The following DAPK2 variants were observed in gnomAD, a reference collection of about 807,000 sequenced individuals.
DAPK2 encodes the protein death-associated protein kinase 2.
DAPK2 carries 35 observed loss-of-function variants against 44.1 expected under a neutral mutation model. That is an observed-to-expected ratio of 0.79 (90% CI 0.61 to 1.05). DAPK2 has a LOEUF of 1.05. DAPK2 is among the 50% of genes least tolerant of loss of function. The pLI is 0.00. For missense variants in DAPK2, 453 were observed against 483.2 expected (o/e 0.94, Z 0.59); for synonymous variants, 174 against 182.6 (o/e 0.95, Z 0.38).
At chr15:63,935,559 T>G (rs2077120172) in intron 4 of DAPK2, 1 of 152,264 alleles carries the variant, frequency 6.6e-6, no homozygotes, top group Admixed American at 6.5e-5. Context: ...CTTCCCTGAC[T>G]GCTTTGTCTT....
rs1025572491 is a variant in DAPK2, at chr15:63,929,870, C to G, written c.633-293G>C. On this transcript the variant is annotated intron_variant, in intron 5 of 10. Coordinates refer to ENST00000261891, the Ensembl canonical transcript of DAPK2. ...CCCTTACCACCTCGGAGCCCTTCCC[C>G]CCTTGTAAAATGAGGATAATGATAA... The G allele has an allele frequency of 1.2e-5, 7 of 574,094 alleles. No homozygotes were observed. The African/African-American group carries it at 1.3e-4, about 11-fold the overall frequency. 35.6% of individuals were successfully genotyped at this position (574,094 alleles called of 1,614,324 possible). A position where few individuals can be genotyped will look rare whatever the true frequency, so the allele number is the denominator to read the frequency against.
intron 7 of DAPK2, 104 bp from the exon 9 acceptor site, chr15:63,924,965 C>T: frequency 8.0e-7 from 1 of 1,246,496 alleles, no homozygotes; most frequent in Non-Finnish European, 1.1e-6. Context: ...CATTATTTGG[C>T]CACTGCCGTC....
rs577826791 is a variant in DAPK2 at position 63,912,950 on chromosome 15, T to C, written c.859-753A>G. Among the ~76,000 whole-genome samples the C allele has an allele frequency of 6.6e-6, 1 of 152,196 alleles. No individual in the cohort carries two copies. The highest frequency in any genetic ancestry group is 1.5e-5 in the Non-Finnish European group (1 of 68,040). On this transcript the variant is annotated intron_variant, in intron 8 of 10. Transcript: ENST00000261891. The surrounding 1 kb of genome is among the most constrained non-coding windows in gnomAD (Gnocchi z 4.4). ...AATAAGGTTTTGTGAAATCAAGAGA[T>C]AGGTTTCAGGGGTTCTGTGAACAAA...
intron 8 of DAPK2, chr15:63,921,006 C>T (rs1221270959): frequency 6.6e-6 from 1 of 152,306 alleles, no homozygotes; most frequent in Non-Finnish European, 1.5e-5. Flanking sequence ...ACGGCAGGCC[C>T]CTGCAGTGCT....
At chr15:64,014,211 C>T (rs940894328) in intron 1 of DAPK2, among the ~76,000 whole-genome samples, 9 of 152,210 alleles carry the variant, frequency 5.9e-5, no homozygotes, top group Non-Finnish European at 1.3e-4. Flanking sequence ...GCGGAGGCAG[C>T]ACTGCTGGGA....
chr15:63,961,915 C>T (rs1240718171), intron 3 of DAPK2, among the ~76,000 whole-genome samples: 1 of 152,218 alleles, frequency 6.6e-6, no homozygotes, highest in Non-Finnish European at 1.5e-5. Flanking sequence ...GGAAGTTCTA[C>T]TGGATAATAT....
At chr15:63,970,034 ACT>A (rs1441949997) in intron 3 of DAPK2, among the ~76,000 whole-genome samples, 11 of 151,828 alleles carry the variant, frequency 7.2e-5, no homozygotes, top group African/African-American at 2.7e-4. Context: ...AAAGATCTTG[ACT>A]CTGTCCTCTC....
intron 3 of DAPK2, among the ~76,000 whole-genome samples, chr15:63,962,028 G>A (rs1046935557): frequency 2.8e-4 from 42 of 152,132 alleles, no homozygotes; most frequent in Admixed American, 6.5e-5. Context: ...TTTCTTGGAG[G>A]CTTTTTTTGT....
At chr15:63,944,151 G>C (rs1341044871) in intron 3 of DAPK2, among the ~76,000 whole-genome samples, 2 of 152,130 alleles carry the variant, frequency 1.3e-5, no homozygotes, top group African/African-American at 4.8e-5. Flanking sequence ...AGCTGGGTCT[G>C]GATAAAAGGA....
In DAPK2 at chr15:63,990,106, C is replaced by A. The variant is rs1235061064; in HGVS notation, c.93-6352G>T. Among the ~76,000 whole-genome samples the A allele has an allele frequency of 6.6e-6, 1 of 152,176 alleles. No individual in the cohort carries two copies. The highest frequency in any genetic ancestry group is 1.9e-4 in the East Asian group (1 of 5,188). ...CTGTGGTAAGCCACAGCCAACCAGA[C>A]TTGTTCTGTCAACTACCAGGGCCAA... On this transcript the variant is annotated intron_variant, in intron 1 of 10. Coordinates refer to ENST00000261891, the Ensembl canonical transcript of DAPK2. This position sits in a 1 kb window ranked among gnomAD's most constrained non-coding sequence, Gnocchi z 4.3.
chr15:64,033,967 G>A (rs926835845), intron 1 of DAPK2, among the ~76,000 whole-genome samples: 1 of 151,538 alleles, frequency 6.6e-6, no homozygotes, highest in African/African-American at 2.4e-5. Flanking sequence ...TGTGGGGTGT[G>A]AGACTCAGCG....
At position 63,966,672 on chromosome 15, in the gene DAPK2, G is replaced by A. The variant is rs578243682; in HGVS notation, c.453+4751C>T. Reference sequence around the variant, plus strand: ...AAATGCTCCTTCCATGGGTTCCAGCGGGGTTCTGCCTGGTATTGCTTTCTG... The same window carrying A: ...AAATGCTCCTTCCATGGGTTCCAGCAGGGTTCTGCCTGGTATTGCTTTCTG... On this transcript the variant is annotated intron_variant, in intron 3 of 10. Coordinates refer to ENST00000261891, the Ensembl canonical transcript of DAPK2. This position sits in a 1 kb window ranked among gnomAD's most constrained non-coding sequence, Gnocchi z 5.5. Among the ~76,000 whole-genome samples, 181 of 152,250 alleles carry A rather than the reference G, an allele frequency of 1.2e-3. No individual in the cohort carries two copies. The highest frequency in any genetic ancestry group is 4.2e-3 in the African/African-American group (174 of 41,542).
At chr15:63,956,661 A>T (rs11854424) in intron 3 of DAPK2, among the ~76,000 whole-genome samples, 2,362 of 151,154 alleles carry the variant, frequency 0.016, 59 homozygotes, top group African/African-American at 0.055. Context: ...ATCTCAGCTC[A>T]CTGCAAGCTC....
At chr15:63,941,258 G>T (rs751587020) in intron 3 of DAPK2, among the ~76,000 whole-genome samples, 1 of 152,066 alleles carries the variant, frequency 6.6e-6, no homozygotes, top group African/African-American at 2.4e-5. Context: ...CAGCAACCCT[G>T]AGCACCCTCC....
Position 63,939,387 on chromosome 15 carries a change from A to T in DAPK2, c.454-26T>A. On this transcript the variant is annotated intron_variant, in intron 3 of 10. Coordinates refer to ENST00000261891, the Ensembl canonical transcript of DAPK2. The surrounding 1 kb of genome is among the most constrained non-coding windows in gnomAD (Gnocchi z 4.3). ...CTGGACAACAAAAAGTAGAAAAAAA[A>T]AAAAGGAAGGAAGAAAAGAAAAAAA... The T allele has an allele frequency of 6.4e-7, 1 of 1,566,924 alleles. No homozygotes were observed. The highest frequency in any genetic ancestry group is 8.6e-7 in the Non-Finnish European group (1 of 1,164,380).
rs2078053134 is a variant in DAPK2, at chr15:63,966,303, T to C, written c.453+5120A>G. Reference sequence around the variant, plus strand: ...TACTGTGGCTGAGCTGGTATCCAAATTGCAAGATGAAGTCCTCTTCACTTT... The same window carrying C: ...TACTGTGGCTGAGCTGGTATCCAAACTGCAAGATGAAGTCCTCTTCACTTT... On this transcript the variant is annotated intron_variant, in intron 3 of 10. Coordinates refer to ENST00000261891, the Ensembl canonical transcript of DAPK2. This position sits in a 1 kb window ranked among gnomAD's most constrained non-coding sequence, Gnocchi z 5.5. 6.6e-6 allele frequency among the ~76,000 whole-genome samples: 1 copy of C among 152,294 alleles called. No homozygotes were observed. The highest frequency in any genetic ancestry group is 1.5e-5 in the Non-Finnish European group (1 of 68,006).
chr15:63,982,379 T>C (rs1247809059), intron 2 of DAPK2, among the ~76,000 whole-genome samples: 2 of 151,936 alleles, frequency 1.3e-5, no homozygotes, highest in South Asian at 2.1e-4. Context: ...TCAGTAGAGA[T>C]GGGGTTTCAC....
At chr15:63,922,632 C>T (rs2079108173) in intron 8 of DAPK2, 2 of 1,436,482 alleles carry the variant, frequency 1.4e-6, no homozygotes, top group Non-Finnish European at 1.8e-6. Flanking sequence ...ATACTACAGA[C>T]ACACACCCCT....
chr15:63,964,554 T>C (rs1304305482), intron 3 of DAPK2, among the ~76,000 whole-genome samples: 1 of 152,182 alleles, frequency 6.6e-6, no homozygotes, highest in Non-Finnish European at 1.5e-5. Context: ...CCTCTATCTC[T>C]CTACCTCCTC....
Sources: allele counts gnomAD v4.1 joint callset (sites outside exome capture counted in the v4.1 genomes callset), GRCh38; gene constraint gnomAD v4.1.1; non-coding constraint Gnocchi (gnomAD v3.1); transcripts MANE v1.5; gene names NCBI Gene and HGNC (gene_info 2026-07-23, HGNC 2026-07-21).